STK10: variants seen among roughly 807,000 people sequenced by gnomAD.
STK10 encodes serine/threonine kinase 10.
Under a neutral mutation model 113.8 loss-of-function variants are expected in STK10, and 78 were observed. That is an observed-to-expected ratio of 0.69 (90% CI 0.57 to 0.83). STK10 has a LOEUF of 0.83. STK10 is among the 40% of genes least tolerant of loss of function. The probability of loss-of-function intolerance (pLI) is 0.00; values close to 1 mark genes in which losing one functional copy is unlikely to be tolerated. For synonymous variants in STK10, 465 were observed against 494.7 expected (o/e 0.94, Z 0.80); for missense variants, 1,109 against 1,280.1 (o/e 0.87, Z 2.04).
chr5:172,114,814 A>C (rs1394473100), intron 4 of STK10: 1 of 151,548 alleles, frequency 6.6e-6, no homozygotes, highest in Non-Finnish European at 1.5e-5. Context: ...TTTTTTAGGA[A>C]CCTAGAGACG....
At chr5:172,121,826 A>C (rs1304244819) in intron 3 of STK10, among the ~76,000 whole-genome samples, 1 of 151,978 alleles carries the variant, frequency 6.6e-6, no homozygotes, top group African/African-American at 2.4e-5. Flanking sequence ...TTGGTTTCCC[A>C]AAGTGTTGGG....
chr5:172,149,624 C>T (rs1446905953), intron 2 of STK10, among the ~76,000 whole-genome samples: 3 of 151,956 alleles, frequency 2.0e-5, no homozygotes, highest in African/African-American at 7.3e-5. Context: ...CAGGTCCCCA[C>T]GGCAAATGGA....
At position 172,082,122 on chromosome 5, in the gene STK10, C is replaced by G. The variant is rs1768443411; in HGVS notation, c.1989+204G>C. 6.6e-6 allele frequency among the ~76,000 whole-genome samples: 1 copy of G among 152,146 alleles called. No individual in the cohort carries two copies. The highest frequency in any genetic ancestry group is 2.1e-4 in the South Asian group (1 of 4,822). ...GGGTGAGGCCTGCCCTGAGCCATAGCAACACAGAGGAAAGCAGAGTTCAGA... is the reference window on the plus strand; with the variant it reads ...GGGTGAGGCCTGCCCTGAGCCATAGGAACACAGAGGAAAGCAGAGTTCAGA... On this transcript the variant is annotated intron_variant, in intron 12 of 18. Coordinates refer to ENST00000176763, the MANE Select transcript of STK10 (RefSeq NM_005990.4). The surrounding 1 kb of genome is among the most constrained non-coding windows in gnomAD (Gnocchi z 4.3).
intron 2 of STK10, among the ~76,000 whole-genome samples, chr5:172,137,636 T>G (rs1056221280): frequency 1.3e-5 from 2 of 151,576 alleles, no homozygotes; most frequent in Admixed American, 1.3e-4. Context: ...ATCTCAGCAC[T>G]TTGGGAGGCC....
intron 15 of STK10, 91 bp downstream of exon 15, chr5:172,057,258 C>T (rs759597333): frequency 2.5e-5 from 38 of 1,513,694 alleles, no homozygotes; most frequent in Non-Finnish European, 3.1e-5. Flanking sequence ...CCAAAGTGTG[C>T]ACCCAAGAGG....
intron 4 of STK10, among the ~76,000 whole-genome samples, chr5:172,116,665 C>G (rs1413110923): frequency 6.6e-6 from 1 of 151,220 alleles, no homozygotes; most frequent in Admixed American, 6.6e-5. Flanking sequence ...GTCAGGAACT[C>G]GAGACCAGCC....
intron 1 of STK10, among the ~76,000 whole-genome samples, chr5:172,174,686 G>C (rs952317246): frequency 3.3e-5 from 5 of 152,170 alleles, no homozygotes; most frequent in Non-Finnish European, 5.9e-5. Flanking sequence ...AGCGGTGGTC[G>C]GGACAGGCCT....
chr5:172,137,094 T>C (rs1189812809), intron 2 of STK10, among the ~76,000 whole-genome samples: 1 of 152,092 alleles, frequency 6.6e-6, no homozygotes, highest in African/African-American at 2.4e-5. Context: ...AGGAATGTTT[T>C]TGTTCTTAAG....
At chr5:172,063,792 C>T (rs1356957532) in intron 13 of STK10, among the ~76,000 whole-genome samples, 1 of 152,194 alleles carries the variant, frequency 6.6e-6, no homozygotes, top group Non-Finnish European at 1.5e-5. Flanking sequence ...GGAAAATGAA[C>T]AGCTCCTACC....
chr5:172,085,470 C>G (rs996783422), intron 10 of STK10, among the ~76,000 whole-genome samples: 8 of 151,966 alleles, frequency 5.3e-5, no homozygotes, highest in African/African-American at 1.9e-4. Context: ...TGGCGGATCA[C>G]TTGAGGTCAG....
intron 2 of STK10, among the ~76,000 whole-genome samples, 167 bp downstream of exon 2, chr5:172,156,457 G>A (rs149862687): frequency 6.6e-6 from 1 of 152,222 alleles, no homozygotes; most frequent in African/African-American, 2.4e-5. Flanking sequence ...AGGCACCACA[G>A]GAAAGGGTGG....
chr5:172,117,739 G>T, intron 3 of STK10, 109 bp from the exon 4 acceptor site: 2 of 1,469,016 alleles, frequency 1.4e-6, no homozygotes, highest in Non-Finnish European at 1.8e-6. Context: ...ATTAGGCCAG[G>T]CGTGGTGGCT....
In STK10 at chr5:172,044,878, G is replaced by A. The variant is rs1171623631; in HGVS notation, c.*4C>T. The A allele has an allele frequency of 6.2e-7, 1 of 1,614,092 alleles. No homozygotes were observed. Among genetic ancestry groups the A allele is most frequent in the Non-Finnish European group, 8.5e-7 (1 of 1,180,062 alleles). Reference sequence around the variant, plus strand: ...AAGCTGCCAGCCACAGCCCCGGGCGGTTGTTAAGAAGCATCCGCAGAACTG... The same window carrying A: ...AAGCTGCCAGCCACAGCCCCGGGCGATTGTTAAGAAGCATCCGCAGAACTG... On this transcript the variant is annotated 3_prime_UTR_variant, in exon 19 of 19. Transcript: ENST00000176763. This position sits in a 1 kb window ranked among gnomAD's most constrained non-coding sequence, Gnocchi z 4.5.
At chr5:172,176,116 C>T (rs1770753939) in intron 1 of STK10, among the ~76,000 whole-genome samples, 1 of 152,198 alleles carries the variant, frequency 6.6e-6, no homozygotes, top group African/African-American at 2.4e-5. Flanking sequence ...CTCATTTCAT[C>T]TTCCAACAGC....
chr5:172,055,877 C>A (rs909610056), intron 15 of STK10, 101 bp from the exon 16 acceptor site: 7 of 956,612 alleles, frequency 7.3e-6, no homozygotes, highest in Non-Finnish European at 9.9e-6. Flanking sequence ...GGCCCAGGAC[C>A]AACGCAGCCC....
At chr5:172,112,555 G>A (rs13188626) in intron 4 of STK10, among the ~76,000 whole-genome samples, 7,855 of 150,584 alleles carry the variant, frequency 0.052, 263 homozygotes, top group Non-Finnish European at 0.079. Flanking sequence ...CAAGTAGCTG[G>A]CACTACAGGC....
At chr5:172,116,134 G>A (rs3111489) in intron 4 of STK10, among the ~76,000 whole-genome samples, 18,163 of 152,270 alleles carry the variant, frequency 0.12, 1,151 homozygotes, top group Middle Eastern at 0.13. Flanking sequence ...AGACCGGAGT[G>A]CAGTGGTGCA....
intron 12 of STK10, among the ~76,000 whole-genome samples, chr5:172,075,377 C>T (rs981647397): frequency 6.6e-6 from 1 of 151,956 alleles, no homozygotes; most frequent in African/African-American, 2.4e-5. Flanking sequence ...CAATACTTCA[C>T]TAAAAAATAC....
At chr5:172,068,932 GA>G (rs1768126007) in intron 12 of STK10, among the ~76,000 whole-genome samples, 1 of 150,760 alleles carries the variant, frequency 6.6e-6, no homozygotes, top group Non-Finnish European at 1.5e-5. Flanking sequence ...ACAAAATTGA[GA>G]AAGTATCAAG....
Sources: gnomAD v4.1 joint callset for allele counts (sites outside exome capture counted in the v4.1 genomes callset) on GRCh38, gnomAD v4.1.1 for gene constraint, Gnocchi (gnomAD v3.1) non-coding constraint, MANE v1.5 for transcripts, NCBI Gene and HGNC (gene_info 2026-07-23, HGNC 2026-07-21) for gene names.